GCN1: variants seen among roughly 807,000 people sequenced by gnomAD.
The protein encoded by GCN1 is GCN1 activator of EIF2AK4, also known as stalled ribosome sensor GCN1.
A neutral mutation model predicts 288.4 loss-of-function variants in GCN1; 90 were observed. The ratio of observed to expected loss-of-function variants is 0.31; its 90% confidence interval spans 0.26 to 0.37. The LOEUF (loss-of-function observed/expected upper bound fraction) is 0.37. Among genes scored for constraint, GCN1 ranks in the 10% least tolerant of loss-of-function variants. The probability of loss-of-function intolerance (pLI) is 1.00; values close to 1 mark genes in which losing one functional copy is unlikely to be tolerated. For synonymous variants in GCN1, 1,386 were observed against 1,420.2 expected (o/e 0.98, Z 0.54); for missense variants, 2,586 against 3,419.9 (o/e 0.76, Z 6.08).
chr12:120,170,174 T>C lies in GCN1; in HGVS notation c.1514A>G (p.Gln505Arg). ...LLLKLSVADS[Q>R]AEAKLSSFWQ... ...AGACACCTCTGGACTCATACCAGCC[T>C]GTGAGTCAGCCACTGACAACTTTAA... Residue 505 changes from glutamine to arginine, a missense_variant, in exon 15 of 58, where the codon CAG becomes CGG. Coordinates refer to ENST00000300648, the MANE Select transcript of GCN1 (RefSeq NM_006836.2). The C allele has an allele frequency of 6.2e-7, 1 of 1,613,972 alleles. No individual in the cohort carries two copies. Among genetic ancestry groups the C allele is most frequent in the Non-Finnish European group, 8.5e-7 (1 of 1,179,820 alleles).
Position 120,160,020 on chromosome 12 carries a change from C to T in GCN1, c.2554G>A (p.Asp852Asn). ...AQVRRRLQELDGELEAALGLL... is the reference protein window; with the variant it reads ...AQVRRRLQELNGELEAALGLL... Reference sequence around the variant, plus strand: ...CCAAGCGCCGCCTCCAGCTCCCCATCCAGCTGCAAGCAGAGTTGTCCAGAA... The same window carrying T: ...CCAAGCGCCGCCTCCAGCTCCCCATTCAGCTGCAAGCAGAGTTGTCCAGAA... Residue 852 changes from aspartate (D) to asparagine (N), a missense_variant, in exon 24 of 58, where the codon GAT becomes AAT. Transcript: ENST00000300648. The T allele has an allele frequency of 6.2e-7, 1 of 1,614,056 alleles. No homozygotes were observed. The highest frequency in any genetic ancestry group is 8.5e-7 in the Non-Finnish European group (1 of 1,179,926).
In GCN1 at chr12:120,155,686, G is replaced by A. The variant is rs1461063542; in HGVS notation, c.3346C>T (p.Pro1116Ser). 6.2e-7 allele frequency: 1 copy of A among 1,614,012 alleles called. No individual in the cohort carries two copies. Among genetic ancestry groups the A allele is most frequent in the Non-Finnish European group, 8.5e-7 (1 of 1,179,936 alleles). Residue 1116 changes from proline to serine, a missense_variant, in exon 29 of 58, where the codon CCT becomes TCT. By Grantham distance (74) the Pro-to-Ser change is moderately conservative (BLOSUM62 -1). Around this residue, in one of 8 missense-constraint regions of GCN1, gnomAD observed 332 missense variants for 403.0 expected, o/e 0.82. Transcript: ENST00000300648. The surrounding 1 kb of genome is among the most constrained non-coding windows in gnomAD (Gnocchi z 4.9). Reference sequence around the variant, plus strand: ...AGGCCATTCTTCTCATCAGTATCAGGTGCTGGCAATACCATGTGGAGTTCC... The same window carrying A: ...AGGCCATTCTTCTCATCAGTATCAGATGCTGGCAATACCATGTGGAGTTCC... ...LMELHMVLPA[P>S]DTDEKNGLNL...
At chr12:120,194,023 T>C (rs1469638271) in intron 1 of GCN1, among the ~76,000 whole-genome samples, 4 of 152,214 alleles carry the variant, frequency 2.6e-5, no homozygotes, top group Non-Finnish European at 4.4e-5. Context: ...AAGGTACCCA[T>C]AGGTAACACT....
At chr12:120,145,799 A>T (rs542644947) in intron 38 of GCN1, among the ~76,000 whole-genome samples, 1 of 152,336 alleles carries the variant, frequency 6.6e-6, no homozygotes, top group Admixed American at 6.5e-5. Context: ...CATCACTTAA[A>T]ATAGCCAAAA....
intron 15 of GCN1, 53 bp from the exon 16 acceptor site, chr12:120,168,353 C>A (rs1229381491): frequency 1.9e-6 from 2 of 1,065,410 alleles, no homozygotes; most frequent in East Asian, 2.4e-5. Flanking sequence ...TCCCCCAGAG[C>A]TGATCTACTC....
chr12:120,162,964 C>A lies in GCN1; in HGVS notation c.2046G>T (p.Val682=). The change falls in exon 20 of 58, where the codon GTG becomes GTT. Residue 682 remains valine (V), a synonymous_variant. Transcript: ENST00000300648. ...IISHHPSLVA[V]QSGLWPALLA... ...GAAGTGCTGGCCAAAGTCCAGACTG[C>A]ACGGCAACTGAAGGGGAAGGGAGCT... 3.1e-6 allele frequency: 5 copies of A among 1,614,208 alleles called. No individual in the cohort carries two copies. The highest frequency in any genetic ancestry group is 4.2e-6 in the Non-Finnish European group (5 of 1,180,018).
Position 120,157,930 on chromosome 12 carries a change from C to A in GCN1, c.3006G>T (p.Trp1002Cys). 1 of 1,614,060 alleles carries A rather than the reference C, an allele frequency of 6.2e-7. No homozygotes were observed. Among genetic ancestry groups the A allele is most frequent in the Non-Finnish European group, 8.5e-7 (1 of 1,180,030 alleles). The change falls in exon 26 of 58, where the codon TGG becomes TGT. Residue 1002 changes from tryptophan (W) to cysteine (C), a missense_variant. Trp to Cys is a radical substitution (Grantham distance 215, BLOSUM62 -2). Around this residue, in one of 8 missense-constraint regions of GCN1, gnomAD observed 153 missense variants for 252.0 expected, o/e 0.61. Coordinates refer to ENST00000300648, the MANE Select transcript of GCN1 (RefSeq NM_006836.2). ...TGAGGATCTGAAGAATCTGGGCCAT[C>A]CACTCCTCCTCCTCCTCACTGTGGT... The part of the protein sequence containing the change: ...MPHHSEEEEE[W>C]MAQILQILTV...
chr12:120,175,328 T>C (rs1218162601), intron 11 of GCN1, 116 bp from the exon 12 acceptor site: 1 of 988,056 alleles, frequency 1.0e-6, no homozygotes, highest in Admixed American at 1.9e-5. Flanking sequence ...GAAGTAGCCT[T>C]TGTGTTGTGA....
At chr12:120,182,165 A>C (rs182465669) in intron 5 of GCN1, among the ~76,000 whole-genome samples, 2 of 151,906 alleles carry the variant, frequency 1.3e-5, no homozygotes, top group African/African-American at 4.8e-5. Context: ...AAAACAAAAA[A>C]AAAAAAACAA....
At chr12:120,176,310 C>T (rs1878480768) in intron 9 of GCN1, 93 bp from the exon 10 acceptor site, 2 of 796,282 alleles carry the variant, frequency 2.5e-6, no homozygotes, top group Admixed American at 1.9e-5. Flanking sequence ...TGCCACTAGG[C>T]CTGCTGTCTG....
chr12:120,194,382 T>C lies in GCN1; in HGVS notation c.18+298A>G, dbSNP rs1056041469. On this transcript the variant is annotated intron_variant, in intron 1 of 57. Transcript: ENST00000300648. ...GCCGGAGGGCTTTGGAGAAAAGAAG[T>C]AGAGGCTCGGTAAAGTGAACTTCTG... 2.6e-5 allele frequency among the ~76,000 whole-genome samples: 4 copies of C among 152,194 alleles called. No individual in the cohort carries two copies. In the South Asian group the frequency reaches 8.3e-4, roughly 31 times the overall value.
intron 26 of GCN1, 118 bp from the exon 27 acceptor site, chr12:120,157,110 C>T: frequency 1.5e-6 from 1 of 667,082 alleles, no homozygotes; most frequent in Non-Finnish European, 2.7e-6. Context: ...ACAACCGGCC[C>T]CACCACAGAA....
At chr12:120,151,429 T>C (rs778466413) in intron 33 of GCN1, 38 bp from the exon 34 acceptor site, 2 of 1,606,684 alleles carry the variant, frequency 1.2e-6, no homozygotes, top group South Asian at 1.1e-5. Context: ...GTGGCTCCGC[T>C]GCAGCCGTTT....
At chr12:120,176,820 G>T (rs1878495306) in intron 9 of GCN1, among the ~76,000 whole-genome samples, 2 of 152,106 alleles carry the variant, frequency 1.3e-5, no homozygotes, top group South Asian at 4.1e-4. Context: ...AGGCTGGAGT[G>T]TAATGGCATG....
rs1330931964 is a variant in GCN1 at position 120,151,251 on chromosome 12, C to T, written c.4203G>A (p.Leu1401=). Residue 1401 remains leucine (L), a synonymous_variant, in exon 34 of 58, where the codon CTG becomes CTA. Transcript: ENST00000300648. The part of the protein sequence containing the change: ...YAERKGAAYG[L]AGLVKGLGIL... Reference sequence around the variant, plus strand: ...TGCCCAGGCCCTTCACCAGGCCCGCCAGGCCATAGGCGGCCCCTTTGCGCT... The same window carrying T: ...TGCCCAGGCCCTTCACCAGGCCCGCTAGGCCATAGGCGGCCCCTTTGCGCT... The T allele has an allele frequency of 6.2e-7, 1 of 1,614,214 alleles. No homozygotes were observed. Among genetic ancestry groups the T allele is most frequent in the Admixed American group, 1.7e-5 (1 of 60,032 alleles).
chr12:120,173,933 A>G, intron 13 of GCN1, 107 bp from the exon 14 acceptor site: 2 of 1,075,168 alleles, frequency 1.9e-6, no homozygotes, highest in South Asian at 1.4e-5. Flanking sequence ...GGAAGCAGTG[A>G]TATTTCAGAC....
chr12:120,128,041 G>A lies in GCN1; in HGVS notation c.7891-67C>T. ...ACGGCTGCCACGTTCTCCAATTGGA[G>A]AAAGACAAAAATGAATGTTAACCCC... On this transcript the variant is annotated intron_variant, in intron 57 of 57. Coordinates refer to ENST00000300648, the MANE Select transcript of GCN1 (RefSeq NM_006836.2). 2.5e-6 allele frequency: 4 copies of A among 1,570,144 alleles called. No individual in the cohort carries two copies. The South Asian group carries it at 4.5e-5, about 18-fold the overall frequency.
intron 42 of GCN1, among the ~76,000 whole-genome samples, chr12:120,143,657 G>A (rs528724156): frequency 4.2e-4 from 63 of 151,134 alleles, no homozygotes; most frequent in Admixed American, 1.6e-3. Flanking sequence ...TTTTTCAAAT[G>A]GTAAGCAATA....
intron 24 of GCN1, 82 bp downstream of exon 24, chr12:120,159,743 C>G (rs142436660): frequency 8.1e-7 from 1 of 1,240,148 alleles, no homozygotes; most frequent in Non-Finnish European, 1.2e-6. Flanking sequence ...CCCACCTCCC[C>G]ACAAGCACTC....
Sources: allele counts gnomAD v4.1 joint callset (sites outside exome capture counted in the v4.1 genomes callset), GRCh38; gene constraint gnomAD v4.1.1; regional missense constraint gnomAD v4.1.1; non-coding constraint Gnocchi (gnomAD v3.1); transcripts MANE v1.5; gene names NCBI Gene and HGNC (gene_info 2026-07-23, HGNC 2026-07-21).